The following DARS1 variants were observed in gnomAD, a reference collection of about 807,000 sequenced individuals.
The protein encoded by DARS1 is aspartyl-tRNA synthetase 1, also known as aspartate--tRNA ligase, cytoplasmic.
DARS1 carries 51 observed loss-of-function variants against 68.8 expected under a neutral mutation model. The observed-to-expected ratio is 0.74, with a 90% CI of 0.59 to 0.94. The LOEUF is 0.94. Ranked by LOEUF, DARS1 falls within the 40% of genes least tolerant of loss-of-function variation. The probability of loss-of-function intolerance (pLI) is 0.00; values close to 1 mark genes in which losing one functional copy is unlikely to be tolerated. For missense variants in DARS1, 607 were observed against 597.3 expected (o/e 1.02, Z -0.17); for synonymous variants, 203 against 190.4 (o/e 1.07, Z -0.55).
At chr2:135,934,980 A>G (rs1481905718) in intron 5 of DARS1, among the ~76,000 whole-genome samples, 1 of 151,636 alleles carries the variant, frequency 6.6e-6, no homozygotes, top group African/African-American at 2.4e-5. Flanking sequence ...TCGTAGAGAC[A>G]GCATTTCGCT....
intron 10 of DARS1, 76 bp downstream of exon 10, chr2:135,920,377 A>C: frequency 2.0e-6 from 3 of 1,500,034 alleles, no homozygotes; most frequent in Non-Finnish European, 2.7e-6. Flanking sequence ...TTGTATGTTT[A>C]AATTGAAGAA....
intron 3 of DARS1, among the ~76,000 whole-genome samples, chr2:135,976,782 C>CAAAAAAAAAAAAAAAAAAAACA (rs10598545): frequency 9.6e-6 from 1 of 104,532 alleles, no homozygotes. Flanking sequence ...GCAAATATTC[C>CAAAAAAAAAAAAAAAAAAAACA]AAAAAAAAAA....
At chr2:135,931,465 T>A (rs924902585) in intron 7 of DARS1, among the ~76,000 whole-genome samples, 1 of 152,142 alleles carries the variant, frequency 6.6e-6, no homozygotes, top group African/African-American at 2.4e-5. Flanking sequence ...TTTAAACTCG[T>A]GTGCTCAAGC....
intron 4 of DARS1, among the ~76,000 whole-genome samples, chr2:135,953,056 A>AT (rs1030593748): frequency 6.6e-6 from 1 of 152,084 alleles, no homozygotes; most frequent in African/African-American, 2.4e-5. Flanking sequence ...CATTAATCTC[A>AT]TTTTCTCCAT....
At chr2:135,976,623 AC>A (rs1161221080) in intron 3 of DARS1, among the ~76,000 whole-genome samples, 1 of 152,230 alleles carries the variant, frequency 6.6e-6, no homozygotes, top group African/African-American at 2.4e-5. Flanking sequence ...AAAAAAAAAC[AC>A]TAGCAGATGG....
intron 10 of DARS1, among the ~76,000 whole-genome samples, chr2:135,917,169 A>G (rs1364345686): frequency 1.3e-5 from 2 of 152,196 alleles, no homozygotes; most frequent in East Asian, 3.8e-4. Flanking sequence ...AAAAAAAAGA[A>G]AAAGAAAAAG....
chr2:135,940,952 A>AGGGATG (rs1301555335), intron 5 of DARS1, among the ~76,000 whole-genome samples: 1 of 152,198 alleles, frequency 6.6e-6, no homozygotes, highest in Non-Finnish European at 1.5e-5. Context: ...CCAACTTACA[A>AGGGATG]GGGATGTGAA....
rs16832162 is a variant in DARS1 at position 135,907,592 on chromosome 2, T to A, written c.1415-185A>T. Reference sequence around the variant, plus strand: ...ATTGATTCAGAAATAAAGATGCTGCTATAAATGAAAAGGACTAAGTAATAT... The same window carrying A: ...ATTGATTCAGAAATAAAGATGCTGCAATAAATGAAAAGGACTAAGTAATAT... On this transcript the variant is annotated intron_variant, in intron 15 of 15. Coordinates refer to ENST00000264161, the MANE Select transcript of DARS1 (RefSeq NM_001349.4). Among the ~76,000 whole-genome samples the A allele has an allele frequency of 0.17, 26,107 of 152,116 alleles. 2,644 individuals are homozygous for A. Among genetic ancestry groups the A allele is most frequent in the Middle Eastern group, 0.41 (119 of 290 alleles).
chr2:135,916,990 C>T (rs1253870103), intron 10 of DARS1, among the ~76,000 whole-genome samples: 6 of 151,960 alleles, frequency 3.9e-5, no homozygotes, highest in Admixed American at 3.9e-4. Context: ...AGTTTAAGAC[C>T]AGTCTGGCCA....
At chr2:135,964,029 GATTA>G (rs1371756407) in intron 3 of DARS1, among the ~76,000 whole-genome samples, 2 of 152,140 alleles carry the variant, frequency 1.3e-5, no homozygotes, top group Non-Finnish European at 2.9e-5. Flanking sequence ...CTTATTTGAT[GATTA>G]ATTATCATTC....
At chr2:135,962,584 TAA>T (rs1283794943) in intron 3 of DARS1, among the ~76,000 whole-genome samples, 1 of 152,168 alleles carries the variant, frequency 6.6e-6, no homozygotes, top group African/African-American at 2.4e-5. Flanking sequence ...AATCACAAGT[TAA>T]AAAAGACAGG....
At position 135,979,768 on chromosome 2, in the gene DARS1, C is replaced by T. The variant is rs1271576189; in HGVS notation, c.125-402G>A. Reference sequence around the variant, plus strand: ...ACTTGTAAGGCCAAACACAGCCTATCCTGCCTAGGACATGGAACTTTTGCC... The same window carrying T: ...ACTTGTAAGGCCAAACACAGCCTATTCTGCCTAGGACATGGAACTTTTGCC... On this transcript the variant is annotated intron_variant, in intron 2 of 15. Coordinates refer to ENST00000264161, the MANE Select transcript of DARS1 (RefSeq NM_001349.4). 1.3e-5 allele frequency among the ~76,000 whole-genome samples: 2 copies of T among 152,216 alleles called. 1 individual carries two copies. The highest frequency in any genetic ancestry group is 6.3e-3 in the Middle Eastern group (2 of 316).
Position 135,922,823 on chromosome 2 carries a change from T to C in DARS1, c.772A>G (p.Ile258Val). 1.3e-6 allele frequency: 2 copies of C among 1,588,716 alleles called. No individual in the cohort carries two copies. The highest frequency in any genetic ancestry group is 1.7e-6 in the Non-Finnish European group (2 of 1,169,622). Residue 258 changes from isoleucine to valine, a missense_variant, in exon 9 of 16, where the codon ATT becomes GTT. By Grantham distance (29) the Ile-to-Val change is conservative. Transcript: ENST00000264161. ...QSPQLYKQMC[I>V]CADFEKVFSI... Reference sequence around the variant, plus strand: ...AAAACCTTCTCAAAATCAGCACAAATGCACATTTGCTTATATAGCTGTGGG... The same window carrying C: ...AAAACCTTCTCAAAATCAGCACAAACGCACATTTGCTTATATAGCTGTGGG...
At chr2:135,927,773 T>A (rs1474190221) in intron 7 of DARS1, among the ~76,000 whole-genome samples, 2 of 152,136 alleles carry the variant, frequency 1.3e-5, no homozygotes, top group East Asian at 3.8e-4. Flanking sequence ...GTCCTTGAAC[T>A]TTAGTTCTAA....
In DARS1 at chr2:135,916,286, C is replaced by T. The variant is rs1373570712; in HGVS notation, c.1046G>A (p.Cys349Tyr). 1.9e-6 allele frequency: 3 copies of T among 1,560,030 alleles called. No homozygotes were observed. Among genetic ancestry groups the T allele is most frequent in the East Asian group, 2.2e-5 (1 of 44,600 alleles). Reference protein sequence around the residue: ...FLEPTLRLEYCEALAMLREAG... With the variant: ...FLEPTLRLEYYEALAMLREAG... Reference sequence around the variant, plus strand: ...TTCCCTAAGCATAGCCAATGCTTCACAATATTCTAGTCTTAGAGTTGGCTC... The same window carrying T: ...TTCCCTAAGCATAGCCAATGCTTCATAATATTCTAGTCTTAGAGTTGGCTC... The change falls in exon 11 of 16, where the codon TGT (cysteine) becomes TAT (tyrosine). Residue 349 changes from cysteine to tyrosine, a missense_variant. Cys to Tyr is a radical substitution (Grantham distance 194). Transcript: ENST00000264161.
chr2:135,927,579 AT>A (rs1169470543), intron 7 of DARS1, among the ~76,000 whole-genome samples: 5 of 152,130 alleles, frequency 3.3e-5, no homozygotes, highest in African/African-American at 1.2e-4. Flanking sequence ...TGTAAAAAAA[AT>A]AATACTTCCT....
chr2:135,915,079 A>G (rs1351545880), intron 11 of DARS1, among the ~76,000 whole-genome samples: 2 of 152,162 alleles, frequency 1.3e-5, no homozygotes, highest in Non-Finnish European at 2.9e-5. Flanking sequence ...CTAGCAATGT[A>G]GGCAATATTT....
chr2:135,978,142 C>CAAAAAAAAAAAAAAAAAA (rs59505882), intron 3 of DARS1, among the ~76,000 whole-genome samples: 12 of 54,728 alleles, frequency 2.2e-4, no homozygotes, highest in Non-Finnish European at 3.5e-4. Context: ...GACTCTGTCT[C>CAAAAAAAAAAAAAAAAAA]AAAAAAAAAA....
At chr2:135,957,374 C>G (rs1257068579) in intron 4 of DARS1, among the ~76,000 whole-genome samples, 1 of 152,070 alleles carries the variant, frequency 6.6e-6, no homozygotes, top group Non-Finnish European at 1.5e-5. Flanking sequence ...ACTACATGTG[C>G]CCGCCACCAT....
Sources: gnomAD v4.1 joint callset for allele counts (sites outside exome capture counted in the v4.1 genomes callset) on GRCh38, gnomAD v4.1.1 for gene constraint, MANE v1.5 for transcripts, NCBI Gene and HGNC (gene_info 2026-07-23, HGNC 2026-07-21) for gene names.